CDH13: variants seen among roughly 807,000 people sequenced by gnomAD.
CDH13 encodes cadherin-13.
In CDH13, 24 loss-of-function variants were observed where a neutral mutation model predicts 63.8. The observed-to-expected ratio is 0.38, with a 90% CI of 0.27 to 0.53. The LOEUF is 0.53. Among genes scored for constraint, CDH13 ranks in the 20% least tolerant of loss-of-function variants. CDH13 has a pLI of 0.85. For missense variants in CDH13, 1,049 were observed against 903.1 expected (o/e 1.16, Z -2.07); for synonymous variants, 503 against 355.3 (o/e 1.42, Z -4.67).
intron 1 of CDH13, among the ~76,000 whole-genome samples, chr16:82,709,443 G>T (rs539040841): frequency 6.6e-6 from 1 of 152,274 alleles, no homozygotes; most frequent in South Asian, 2.1e-4. Flanking sequence ...CCAATCAGGG[G>T]CTTGGAATTA....
At chr16:83,683,416 T>G (rs1915562825) in intron 10 of CDH13, among the ~76,000 whole-genome samples, 1 of 152,228 alleles carries the variant, frequency 6.6e-6, no homozygotes, top group Non-Finnish European at 1.5e-5. Flanking sequence ...ACAGCTTGGA[T>G]CTGTCTCCCT....
At chr16:82,911,237 G>A (rs1269183605) in intron 2 of CDH13, among the ~76,000 whole-genome samples, 1 of 152,214 alleles carries the variant, frequency 6.6e-6, no homozygotes, top group Admixed American at 6.5e-5. Flanking sequence ...AAGGCATAAT[G>A]TGGTCTGTGT....
At chr16:83,476,066 G>A (rs1030823561) in intron 6 of CDH13, among the ~76,000 whole-genome samples, 15 of 152,086 alleles carry the variant, frequency 9.9e-5, no homozygotes, top group East Asian at 1.9e-4. Context: ...AGCTGTAAAC[G>A]AAGAAAAATG....
intron 13 of CDH13, among the ~76,000 whole-genome samples, chr16:83,786,319 G>T (rs1057097869): frequency 6.6e-6 from 1 of 152,130 alleles, no homozygotes; most frequent in African/African-American, 2.4e-5. Context: ...GTTAATTGCA[G>T]TGGTAGTTCC....
chr16:82,649,666 G>A (rs565413055), intron 1 of CDH13, among the ~76,000 whole-genome samples: 8 of 152,140 alleles, frequency 5.3e-5, no homozygotes, highest in Admixed American at 2.6e-4. Context: ...TCCAACAATA[G>A]GAAGGAGAGG....
At chr16:83,398,777 A>G (rs1052276782) in intron 6 of CDH13, among the ~76,000 whole-genome samples, 1 of 152,208 alleles carries the variant, frequency 6.6e-6, no homozygotes, top group Non-Finnish European at 1.5e-5. Flanking sequence ...TCTTTGAAAT[A>G]GCACCTTTTC....
At chr16:83,529,744 C>T (rs914458111) in intron 7 of CDH13, among the ~76,000 whole-genome samples, 2 of 151,826 alleles carry the variant, frequency 1.3e-5, no homozygotes, top group African/African-American at 2.4e-5. Context: ...ATCTATTAAA[C>T]GACCACATAA....
intron 5 of CDH13, 138 bp from the exon 6 acceptor site, chr16:83,344,724 A>G (rs556376322): frequency 7.6e-6 from 6 of 787,672 alleles, no homozygotes; most frequent in African/African-American, 3.4e-5. Context: ...CCCAGTGACT[A>G]TCCTCTGAGA....
At chr16:83,120,276 G>A (rs2035506153) in intron 3 of CDH13, among the ~76,000 whole-genome samples, 1 of 152,224 alleles carries the variant, frequency 6.6e-6, no homozygotes, top group Non-Finnish European at 1.5e-5. Context: ...TGGATGGGCA[G>A]CTGTGGAGTT....
chr16:83,280,418 C>G (rs1317908554), intron 5 of CDH13, among the ~76,000 whole-genome samples: 1 of 152,208 alleles, frequency 6.6e-6, no homozygotes, highest in Non-Finnish European at 1.5e-5. Flanking sequence ...TCATTCACAT[C>G]TTCAAGCCAC....
At chr16:83,655,911 C>G (rs1912828625) in intron 8 of CDH13, among the ~76,000 whole-genome samples, 1 of 152,166 alleles carries the variant, frequency 6.6e-6, no homozygotes, top group Non-Finnish European at 1.5e-5. Context: ...AGGAGATAAT[C>G]AAATTACCTG....
rs10652088 is a variant in CDH13 at position 82,969,478 on chromosome 16, CT to C, written c.158-62513del. ...TTTCTCTGGCTATTTTCTGCATATTCTTTTTTTTTTTTTTTTTTTAAGCAGC... is the reference window on the plus strand; with the variant it reads ...TTTCTCTGGCTATTTTCTGCATATTCTTTTTTTTTTTTTTTTTTAAGCAGC... On this transcript the variant is annotated intron_variant, in intron 2 of 13. Transcript: ENST00000567109. Among the ~76,000 whole-genome samples the C allele has an allele frequency of 7.9e-4, 103 of 131,162 alleles. 1 individual carries two copies. Among genetic ancestry groups the C allele is most frequent in the South Asian group, 1.5e-3 (6 of 4,038 alleles). 86.0% of individuals were successfully genotyped at this position (131,162 alleles called of 152,430 possible). A position where few individuals can be genotyped will look rare whatever the true frequency, so the allele number is the denominator to read the frequency against.
At chr16:82,832,607 A>C (rs1381943464) in intron 1 of CDH13, among the ~76,000 whole-genome samples, 1 of 152,210 alleles carries the variant, frequency 6.6e-6, no homozygotes, top group Admixed American at 6.5e-5. Context: ...CCAGCAAAAA[A>C]AAAAAAATGA....
At chr16:82,970,429 G>C (rs7201138) in intron 2 of CDH13, among the ~76,000 whole-genome samples, 14,533 of 89,070 alleles carry the variant, frequency 0.16, 1,452 homozygotes, top group Middle Eastern at 0.38. Flanking sequence ...GTCTCGCTCT[G>C]TCGCCCAGGC....
At chr16:82,765,797 T>C (rs1384162052) in intron 1 of CDH13, among the ~76,000 whole-genome samples, 3 of 152,156 alleles carry the variant, frequency 2.0e-5, no homozygotes, top group African/African-American at 7.2e-5. Context: ...AAATAAAATT[T>C]CATTGAGCAT....
chr16:83,245,076 C>T (rs974463257), intron 5 of CDH13, among the ~76,000 whole-genome samples: 4 of 151,328 alleles, frequency 2.6e-5, no homozygotes, highest in South Asian at 2.1e-4. Context: ...CTAGGGATAG[C>T]AGTCCCACAC....
intron 6 of CDH13, among the ~76,000 whole-genome samples, chr16:83,437,963 C>T (rs985150805): frequency 3.9e-5 from 6 of 152,128 alleles, no homozygotes; most frequent in African/African-American, 1.4e-4. Context: ...TCCCTCCATC[C>T]ATCCTCCTGG....
chr16:83,775,228 C>T (rs942002726), intron 11 of CDH13, among the ~76,000 whole-genome samples: 6 of 151,830 alleles, frequency 4.0e-5, no homozygotes, highest in African/African-American at 1.4e-4. Context: ...CTCAGATCTT[C>T]TGCTCTGATC....
At chr16:82,856,092 TG>T (rs1486374718) in intron 1 of CDH13, among the ~76,000 whole-genome samples, 2 of 152,080 alleles carry the variant, frequency 1.3e-5, no homozygotes, top group African/African-American at 4.8e-5. Flanking sequence ...AAATACTAGC[TG>T]GGGCCGGGCA....
Sources: gnomAD v4.1 joint callset for allele counts (sites outside exome capture counted in the v4.1 genomes callset) on GRCh38, gnomAD v4.1.1 for gene constraint, MANE v1.5 for transcripts, NCBI Gene and HGNC (gene_info 2026-07-23, HGNC 2026-07-21) for gene names.